Variants in DAB1 observed in about 807,000 individuals in gnomAD.
DAB1 encodes the protein disabled homolog 1.
DAB1 carries 15 observed loss-of-function variants against 64.6 expected under a neutral mutation model. The observed-to-expected ratio is 0.23, with a 90% CI of 0.16 to 0.36. The LOEUF is 0.36. Ranked by LOEUF, DAB1 falls within the 10% of genes least tolerant of loss-of-function variation. DAB1 has a pLI of 1.00. For missense variants in DAB1, 596 were observed against 706.7 expected (o/e 0.84, Z 1.78); for synonymous variants, 235 against 251.9 (o/e 0.93, Z 0.64).
At chr1:57,200,965 A>G (rs914470897) in intron 2 of DAB1, among the ~76,000 whole-genome samples, 17 of 152,180 alleles carry the variant, frequency 1.1e-4, no homozygotes, top group African/African-American at 4.1e-4. Flanking sequence ...TAGGCATGCA[A>G]ATGTTTGTTG....
chr1:57,549,168 C>T (rs755153070), intron 7 of DAB1, among the ~76,000 whole-genome samples: 1 of 152,110 alleles, frequency 6.6e-6, no homozygotes, highest in African/African-American at 2.4e-5. Flanking sequence ...GTTTCTACAT[C>T]ACTTTTCTCA....
In DAB1 at chr1:57,578,634, A is replaced by G. The variant is rs535205896; in HGVS notation, n.625+70958T>C. Among the ~76,000 whole-genome samples the G allele has an allele frequency of 2.4e-3, 359 of 152,352 alleles. 2 individuals carry two copies. Among genetic ancestry groups the G allele is most frequent in the African/African-American group, 8.2e-3 (341 of 41,592 alleles). On this transcript the variant is annotated intron_variant and non_coding_transcript_variant, in intron 7 of 20. Transcript: ENST00000485760. ...CTGACACTTTGCAGGTGCTCAGTAT[A>G]TGCCACATACGATTCCATAAGTAAA... is the stretch of plus-strand genomic sequence containing the variant.
At chr1:57,435,274 C>T (rs1375283546) in intron 7 of DAB1, among the ~76,000 whole-genome samples, 1 of 152,018 alleles carries the variant, frequency 6.6e-6, no homozygotes, top group Non-Finnish European at 1.5e-5. Context: ...GTCTTGAACT[C>T]CTGAGCTCTG....
At chr1:57,809,755 C>T (rs759675033) in intron 6 of DAB1, among the ~76,000 whole-genome samples, 8 of 152,068 alleles carry the variant, frequency 5.3e-5, no homozygotes, top group East Asian at 1.9e-4. Context: ...TCTACGATCA[C>T]GCAGTTGTTG....
intron 3 of DAB1, among the ~76,000 whole-genome samples, chr1:58,489,572 T>A (rs1334520191): frequency 2.6e-5 from 4 of 152,196 alleles, no homozygotes; most frequent in Admixed American, 6.5e-5. Context: ...AATGTCCCTG[T>A]CTGACAGCTT....
At chr1:58,074,595 T>TATATATATATATATATATATATA (rs1188769684) in intron 5 of DAB1, among the ~76,000 whole-genome samples, 5 of 105,356 alleles carry the variant, frequency 4.7e-5, no homozygotes, top group Admixed American at 1.1e-4. Flanking sequence ...TATATATATA[T>TATATATATATATATATATATATA]TTGAGAAACA....
In DAB1 at chr1:58,376,429, C is replaced by A. The variant is rs1213675; in HGVS notation, n.258-33026G>T. Reference sequence around the variant, plus strand: ...ACATCTTTATTTCTGCCTTCATTTCCTTATGTACCCAGTAGTCATTCAGGA... The same window carrying A: ...ACATCTTTATTTCTGCCTTCATTTCATTATGTACCCAGTAGTCATTCAGGA... On this transcript the variant is annotated intron_variant and non_coding_transcript_variant, in intron 3 of 20. Coordinates refer to the DAB1 transcript ENST00000485760. Among the ~76,000 whole-genome samples the A allele has an allele frequency of 1.9e-3, 240 of 127,960 alleles. 13 individuals are homozygous for A. The highest frequency in any genetic ancestry group is 3.1e-3 in the East Asian group (15 of 4,798). 83.9% of individuals were successfully genotyped at this position (127,960 alleles called of 152,430 possible). A position where few individuals can be genotyped will look rare whatever the true frequency, so the allele number is the denominator to read the frequency against.
At chr1:57,179,520 T>C (rs987044065) in intron 2 of DAB1, among the ~76,000 whole-genome samples, 2 of 152,248 alleles carry the variant, frequency 1.3e-5, no homozygotes, top group Non-Finnish European at 2.9e-5. Flanking sequence ...ACATTGTATA[T>C]CTGTCCCTGA....
chr1:57,860,169 A>G (rs1452848616), intron 1 of DAB1, among the ~76,000 whole-genome samples: 1 of 152,216 alleles, frequency 6.6e-6, no homozygotes. Flanking sequence ...TATTTCACGA[A>G]TGTAACACAT....
At chr1:58,123,722 G>A (rs1430809383) in intron 5 of DAB1, among the ~76,000 whole-genome samples, 1 of 152,080 alleles carries the variant, frequency 6.6e-6, no homozygotes, top group African/African-American at 2.4e-5. Flanking sequence ...TTCCCATCTG[G>A]TAAATGAAGA....
intron 1 of DAB1, among the ~76,000 whole-genome samples, chr1:57,405,510 G>C (rs942579245): frequency 6.6e-6 from 1 of 152,182 alleles, no homozygotes; most frequent in African/African-American, 2.4e-5. Context: ...AAAGCCCTTA[G>C]GCCAGTTATC....
At chr1:57,842,391 G>A (rs571755188) in intron 1 of DAB1, among the ~76,000 whole-genome samples, 56 of 152,130 alleles carry the variant, frequency 3.7e-4, no homozygotes, top group African/African-American at 1.2e-3. Context: ...ACCTCTGTCC[G>A]TTACCTAGTT....
chr1:57,849,528 TCA>T (rs1309217415), intron 1 of DAB1, among the ~76,000 whole-genome samples: 2 of 152,192 alleles, frequency 1.3e-5, no homozygotes, highest in African/African-American at 4.8e-5. Flanking sequence ...AAGGCGTGAT[TCA>T]CAGAGTCTCA....
At chr1:57,352,195 T>G (rs748602324) in intron 1 of DAB1, among the ~76,000 whole-genome samples, 5 of 152,150 alleles carry the variant, frequency 3.3e-5, no homozygotes, top group Non-Finnish European at 7.4e-5. Flanking sequence ...TCCATTAAGC[T>G]GCTGAGTCAC....
At chr1:58,353,127 C>T (rs1326522821) in intron 3 of DAB1, among the ~76,000 whole-genome samples, 1 of 151,984 alleles carries the variant, frequency 6.6e-6, no homozygotes, top group Non-Finnish European at 1.5e-5. Context: ...CAAAGGTCCC[C>T]TTCTTTATTT....
chr1:57,614,610 C>T (rs542577232), intron 7 of DAB1, among the ~76,000 whole-genome samples: 1 of 152,152 alleles, frequency 6.6e-6, no homozygotes, highest in South Asian at 2.1e-4. Flanking sequence ...GTCTTCTTTC[C>T]TTATGAGATG....
At chr1:58,468,320 A>G (rs1645317396) in intron 3 of DAB1, 1 of 152,244 alleles carries the variant, frequency 6.6e-6, no homozygotes, top group African/African-American at 2.4e-5. Context: ...AATGTTACAT[A>G]CTGTATGTAT....
At chr1:58,006,013 A>G (rs149189045) in intron 5 of DAB1, among the ~76,000 whole-genome samples, 28 of 152,264 alleles carry the variant, frequency 1.8e-4, no homozygotes, top group South Asian at 8.3e-4. Flanking sequence ...GCTTTCCCCA[A>G]TTAACACAGC....
chr1:58,322,791 G>A (rs1321230949), intron 4 of DAB1, among the ~76,000 whole-genome samples: 20 of 152,110 alleles, frequency 1.3e-4, no homozygotes, highest in Non-Finnish European at 1.8e-4. Context: ...ACATGTACAC[G>A]TATGTTTATT....
Sources: gnomAD v4.1 joint callset for allele counts (sites outside exome capture counted in the v4.1 genomes callset) on GRCh38, gnomAD v4.1.1 for gene constraint, MANE v1.5 for transcripts, NCBI Gene and HGNC (gene_info 2026-07-23, HGNC 2026-07-21) for gene names.